MIGA1: variants seen among roughly 807,000 people sequenced by gnomAD.
MIGA1 encodes the protein mitoguardin 1.
MIGA1 carries 58 observed loss-of-function variants against 82.0 expected under a neutral mutation model. That is an observed-to-expected ratio of 0.71 (90% confidence interval 0.57 to 0.88). The LOEUF (loss-of-function observed/expected upper bound fraction) is 0.88, where lower values mean the gene tolerates loss of function less well. MIGA1 is among the 40% of genes least tolerant of loss of function. The pLI, the probability that MIGA1 is intolerant of heterozygous loss-of-function variation, is 0.00. For missense variants in MIGA1, 751 were observed against 749.1 expected, an observed-to-expected ratio of 1.00 and a Z score of -0.03; for synonymous variants, 249 against 253.6, an observed-to-expected ratio of 0.98 and a Z score of 0.17.
At chr1:77,874,353 A>G (rs2101990141) in intron 15 of MIGA1, among the ~76,000 whole-genome samples, 1 of 152,098 alleles carries the variant, frequency 6.6e-6, no homozygotes, top group South Asian at 2.1e-4. Context: ...TCTTGTACAA[A>G]AAAAAAAAGC....
intron 8 of MIGA1, among the ~76,000 whole-genome samples, chr1:77,850,499 G>C (rs1259938514): frequency 2.0e-5 from 3 of 152,120 alleles, no homozygotes; most frequent in Non-Finnish European, 4.4e-5. Flanking sequence ...TGATTTGAAA[G>C]GAAAATGTAA....
intron 2 of MIGA1, among the ~76,000 whole-genome samples, chr1:77,799,553 A>G (rs989940830): frequency 6.6e-6 from 1 of 152,148 alleles, no homozygotes; most frequent in Non-Finnish European, 1.5e-5. Flanking sequence ...TGAAATTGAT[A>G]CTGTTTCTTC....
chr1:77,781,106 G>C (rs542831926), intron 1 of MIGA1, among the ~76,000 whole-genome samples: 1 of 151,598 alleles, frequency 6.6e-6, no homozygotes, highest in African/African-American at 2.4e-5. Context: ...ATGGGGTTTC[G>C]CTATATTGGC....
intron 8 of MIGA1, among the ~76,000 whole-genome samples, chr1:77,843,650 T>G (rs572463621): frequency 5.3e-5 from 8 of 152,292 alleles, no homozygotes; most frequent in African/African-American, 9.6e-5. Context: ...TACTGTAGAT[T>G]ATGGGTGAGG....
At chr1:77,872,629 T>G (rs1320491350) in intron 14 of MIGA1, among the ~76,000 whole-genome samples, 6 of 152,164 alleles carry the variant, frequency 3.9e-5, no homozygotes, top group African/African-American at 9.7e-5. Context: ...TACAGAAATG[T>G]GTCTCAGCAC....
chr1:77,811,689 C>A, intron 5 of MIGA1: 2 of 1,611,848 alleles, frequency 1.2e-6, no homozygotes, highest in Non-Finnish European at 1.7e-6. Context: ...ACTCGTCTAT[C>A]GCCTCCACCA....
chr1:77,809,185 TAG>T (rs907929229), intron 5 of MIGA1, among the ~76,000 whole-genome samples: 2 of 152,052 alleles, frequency 1.3e-5, no homozygotes, highest in Non-Finnish European at 2.9e-5. Context: ...AGAGTAAAAC[TAG>T]AGACGCCACA....
intron 5 of MIGA1, 36 bp downstream of exon 5, chr1:77,807,137 C>T (rs763547498): frequency 3.0e-5 from 45 of 1,484,732 alleles, no homozygotes; most frequent in Non-Finnish European, 3.9e-5. Context: ...AGATACTGTG[C>T]TCACATTTAA....
At chr1:77,814,888 A>G (rs1314264214) in intron 6 of MIGA1, among the ~76,000 whole-genome samples, 1 of 152,172 alleles carries the variant, frequency 6.6e-6, no homozygotes, top group Non-Finnish European at 1.5e-5. Context: ...CCTTAATTTT[A>G]TAGGTAAAGA....
At chr1:77,834,894 T>A (rs1016071129) in intron 7 of MIGA1, among the ~76,000 whole-genome samples, 2 of 152,204 alleles carry the variant, frequency 1.3e-5, no homozygotes, top group Non-Finnish European at 2.9e-5. Flanking sequence ...GGAGAAAAGC[T>A]GTTGACATAG....
At chr1:77,872,834 G>A (rs538041086) in intron 14 of MIGA1, among the ~76,000 whole-genome samples, 170 bp from the exon 15 acceptor site, 1 of 152,174 alleles carries the variant, frequency 6.6e-6, no homozygotes, top group South Asian at 2.1e-4. Flanking sequence ...CTAAAGCCGG[G>A]GGATTGCTTG....
intron 1 of MIGA1, among the ~76,000 whole-genome samples, chr1:77,782,678 T>G (rs1336802604): frequency 1.3e-5 from 2 of 152,196 alleles, no homozygotes; most frequent in African/African-American, 4.8e-5. Context: ...GCATTAAAAC[T>G]ATACCAAAAT....
chr1:77,811,904 G>A lies in MIGA1; in HGVS notation c.638-1830G>A, dbSNP rs923591126. 4.0e-5 allele frequency: 57 copies of A among 1,422,938 alleles called. 1 individual carries two copies. Among genetic ancestry groups the A allele is most frequent in the Admixed American group, 5.9e-5 (2 of 34,084 alleles). 88.1% of individuals were successfully genotyped at this position (1,422,938 alleles called of 1,614,324 possible). A position where few individuals can be genotyped will look rare whatever the true frequency, so the allele number is the denominator to read the frequency against. On this transcript the variant is annotated intron_variant, in intron 5 of 15. Coordinates refer to ENST00000370791, the MANE Select transcript of MIGA1 (RefSeq NM_198549.4). The stretch of plus-strand genomic sequence containing the variant: ...AGGAGGAACCGCTACGGCCACCACC[G>A]CCACCTGCCGAGGAGCCGCCCAAGC...
At chr1:77,789,820 C>A (rs1682342049) in intron 2 of MIGA1, among the ~76,000 whole-genome samples, 1 of 151,770 alleles carries the variant, frequency 6.6e-6, no homozygotes, top group Admixed American at 6.6e-5. Flanking sequence ...GAATCAACCA[C>A]TTCTTCAAGG....
chr1:77,857,842 G>A (rs1014003446), intron 8 of MIGA1, among the ~76,000 whole-genome samples: 7 of 149,006 alleles, frequency 4.7e-5, no homozygotes, highest in African/African-American at 7.4e-5. Context: ...CCAAAAGCAC[G>A]ACTGTCTTTC....
chr1:77,878,817 T>C lies in MIGA1; in HGVS notation c.*3753T>C, dbSNP rs1395982851. ...ATCTTTTAAAAAAGAAGACAAGTTT[T>C]CCATACTGTCACAGTAAGCTCCAAA... On this transcript the variant is annotated 3_prime_UTR_variant, in exon 16 of 16. Coordinates refer to ENST00000370791, the MANE Select transcript of MIGA1 (RefSeq NM_198549.4). 2 of 383,820 alleles carry C rather than the reference T, an allele frequency of 5.2e-6. No homozygotes were observed. The highest frequency in any genetic ancestry group is 4.1e-5 in the African/African-American group (2 of 48,368). 23.8% of individuals were successfully genotyped at this position (383,820 alleles called of 1,614,324 possible). A position where few individuals can be genotyped will look rare whatever the true frequency, so the allele number is the denominator to read the frequency against.
intron 8 of MIGA1, chr1:77,847,332 G>A (rs1684880994): frequency 1.1e-6 from 1 of 930,960 alleles, no homozygotes. Context: ...GTATGAATAT[G>A]ACAGTATTTA....
At chr1:77,838,340 A>G in intron 7 of MIGA1, among the ~76,000 whole-genome samples, 1 of 151,288 alleles carries the variant, frequency 6.6e-6, no homozygotes, top group East Asian at 1.9e-4. Context: ...TTATTTATTT[A>G]TTTATTTATT....
chr1:77,849,621 G>A (rs1190782545), intron 8 of MIGA1, among the ~76,000 whole-genome samples: 1 of 152,070 alleles, frequency 6.6e-6, no homozygotes, highest in African/African-American at 2.4e-5. Context: ...AAAAAATAGT[G>A]ATATGCTTAA....
Sources: gnomAD v4.1 joint callset for allele counts (sites outside exome capture counted in the v4.1 genomes callset) on GRCh38, gnomAD v4.1.1 for gene constraint, MANE v1.5 for transcripts, NCBI Gene and HGNC (gene_info 2026-07-23, HGNC 2026-07-21) for gene names.